CNN2: variants seen among roughly 807,000 people sequenced by gnomAD.
CNN2 encodes the protein calponin-2.
A neutral mutation model predicts 31.0 loss-of-function variants in CNN2; 21 were observed. The observed-to-expected ratio is 0.68, with a 90% CI of 0.48 to 0.98. The LOEUF (loss-of-function observed/expected upper bound fraction) is 0.98. CNN2 is among the 50% of genes least tolerant of loss of function. The pLI is 0.00. For synonymous variants in CNN2, 165 were observed against 179.6 expected, an observed-to-expected ratio of 0.92 and a Z score of 0.65; for missense variants, 399 against 427.3, an observed-to-expected ratio of 0.93 and a Z score of 0.58.
intron 1 of CNN2, among the ~76,000 whole-genome samples, chr19:1,027,270 G>A (rs1568416298): frequency 6.6e-6 from 1 of 152,248 alleles, no homozygotes; most frequent in Non-Finnish European, 1.5e-5. Flanking sequence ...GGGGAGGGGC[G>A]GTAGCCGCTT....
At chr19:1,032,515 G>C in intron 3 of CNN2, 44 bp from the exon 4 acceptor site, 1 of 1,613,526 alleles carries the variant, frequency 6.2e-7, no homozygotes, top group Non-Finnish European at 8.5e-7. Context: ...TAACAGGTGG[G>C]GAGACTGAGG....
intron 1 of CNN2, among the ~76,000 whole-genome samples, chr19:1,030,550 G>C (rs7255537): frequency 0.11 from 17,466 of 152,028 alleles, 2,283 homozygotes; most frequent in African/African-American, 0.32. Flanking sequence ...GGCCTGAACC[G>C]GGGAGGCGGA....
Position 1,037,893 on chromosome 19 carries a change from G to T in CNN2, c.923G>T (p.Gly308Val). The T allele has an allele frequency of 1.3e-6, 2 of 1,575,188 alleles. No homozygotes were observed. Among genetic ancestry groups the T allele is most frequent in the South Asian group, 2.3e-5 (2 of 88,462 alleles). Residue 308 changes from glycine to valine, a missense_variant, in exon 7 of 7, where the codon GGC becomes GTC. Transcript: ENST00000263097. Reference protein sequence around the residue: ...EYPPYYQEEAGY With the variant: ...EYPPYYQEEAVY ...CCCCCTTACTACCAGGAGGAGGCCGGCTACTGAGGCTCCCAGCACGCTCTC... is the reference window on the plus strand; with the variant it reads ...CCCCCTTACTACCAGGAGGAGGCCGTCTACTGAGGCTCCCAGCACGCTCTC...
Position 1,037,837 on chromosome 19 carries a change from C to T in CNN2, c.867C>T (p.Asp289=). 3.1e-6 allele frequency: 5 copies of T among 1,606,382 alleles called. No individual in the cohort carries two copies. The highest frequency in any genetic ancestry group is 4.3e-6 in the Non-Finnish European group (5 of 1,175,940). The part of the protein sequence containing the change: ...VADGAPSGTG[D]CPDPGEVPEY... ...ATGGGGCTCCCTCGGGCACCGGCGA[C>T]TGCCCGGACCCGGGGGAGGTCCCTG... The change falls in exon 7 of 7, where the codon GAC becomes GAT. Residue 289 remains aspartate (D), a synonymous_variant. Coordinates refer to ENST00000263097, the MANE Select transcript of CNN2 (RefSeq NM_004368.4).
In CNN2 at chr19:1,037,811, G is replaced by T. The variant is rs80117328; in HGVS notation, c.841G>T (p.Asp281Tyr). Residue 281 changes from aspartate to tyrosine, a missense_variant, in exon 7 of 7, where the codon GAT (aspartate) becomes TAT (tyrosine). Coordinates refer to ENST00000263097, the MANE Select transcript of CNN2 (RefSeq NM_004368.4). The part of the protein sequence containing the change: ...PKYCPQGTVA[D>Y]GAPSGTGDCP... ...GTACTGCCCGCAAGGCACAGTGGCC[G>T]ATGGGGCTCCCTCGGGCACCGGCGA... The T allele has an allele frequency of 1.9e-6, 3 of 1,582,702 alleles. No homozygotes were observed. Among genetic ancestry groups the T allele is most frequent in the Non-Finnish European group, 1.7e-6 (2 of 1,166,448 alleles).
intron 2 of CNN2, 115 bp from the exon 3 acceptor site, chr19:1,032,277 G>C (rs2039510155): frequency 1.6e-6 from 2 of 1,231,400 alleles, no homozygotes; most frequent in South Asian, 1.3e-5. Flanking sequence ...CCCAGAGAGA[G>C]GCCGTGAGTT....
chr19:1,029,692 C>T (rs2039456219), intron 1 of CNN2, among the ~76,000 whole-genome samples: 1 of 149,030 alleles, frequency 6.7e-6, no homozygotes. Flanking sequence ...TTTTTTTTTC[C>T]TTCTCTCTTT....
Position 1,036,487 on chromosome 19 carries a change from C to G in CNN2, c.579C>G (p.Pro193=). Residue 193 remains proline (P), a synonymous_variant, in exon 6 of 7, where the codon CCC becomes CCG. Transcript: ENST00000263097. ...GCACGAGAAGGCATCTCTATGACCC[C>G]AAGAACCATATCCTGCCCCCCATGG... ...AYGTRRHLYD[P]KNHILPPMDH... 2 of 1,613,290 alleles carry G rather than the reference C, an allele frequency of 1.2e-6. No individual in the cohort carries two copies. Among genetic ancestry groups the G allele is most frequent in the Non-Finnish European group, 1.7e-6 (2 of 1,179,270 alleles).
chr19:1,028,564 T>G (rs942442203), intron 1 of CNN2, among the ~76,000 whole-genome samples: 20 of 152,216 alleles, frequency 1.3e-4, no homozygotes, highest in Non-Finnish European at 1.0e-4. Flanking sequence ...ATCCACAGTG[T>G]CTGCGGCCTT....
chr19:1,031,004 G>A (rs1411779172), intron 1 of CNN2, 67 bp from the exon 2 acceptor site: 2 of 1,550,518 alleles, frequency 1.3e-6, no homozygotes, highest in Middle Eastern at 2.4e-4. Context: ...CCTCTGCAGA[G>A]CTTCTGTGGG....
chr19:1,028,177 C>T (rs1284356647), intron 1 of CNN2, among the ~76,000 whole-genome samples: 1 of 147,106 alleles, frequency 6.8e-6, no homozygotes, highest in Non-Finnish European at 1.5e-5. Context: ...GTGACAGGGC[C>T]AAGACCGGAA....
Position 1,026,628 on chromosome 19 carries a change from T to A in CNN2, c.-34T>A, listed in dbSNP as rs1021909282. The A allele has an allele frequency of 1.3e-6, 2 of 1,505,036 alleles. No individual in the cohort carries two copies. The highest frequency in any genetic ancestry group is 1.8e-6 in the Non-Finnish European group (2 of 1,123,558). 93.2% of individuals were successfully genotyped at this position (1,505,036 alleles called of 1,614,324 possible). ...CCGGCGGTCCCGTCCCGTCCCGTCCTGTGCGGCCCCGTCCCGCCGCCCGCC... is the reference window on the plus strand; with the variant it reads ...CCGGCGGTCCCGTCCCGTCCCGTCCAGTGCGGCCCCGTCCCGCCGCCCGCC... On this transcript the variant is annotated 5_prime_UTR_variant, in exon 1 of 7. Coordinates refer to ENST00000263097, the MANE Select transcript of CNN2 (RefSeq NM_004368.4).
In CNN2 at chr19:1,032,887, T is replaced by G. The variant is rs1599511666; in HGVS notation, c.390+191T>G. On this transcript the variant is annotated intron_variant, in intron 4 of 6. Transcript: ENST00000263097. Reference sequence around the variant, plus strand: ...TCCAACTCCCAGGTTCAAGCGATTCTTCTGCCTCAGTCTCCCGAGTAGCTG... The same window carrying G: ...TCCAACTCCCAGGTTCAAGCGATTCGTCTGCCTCAGTCTCCCGAGTAGCTG... 4 of 531,796 alleles carry G rather than the reference T, an allele frequency of 7.5e-6. No homozygotes were observed. In the East Asian group the frequency reaches 1.3e-4, roughly 18 times the overall value. The allele number at this position is 531,796 out of a possible 1,614,324, so 32.9% of individuals were successfully genotyped here.
intron 2 of CNN2, 66 bp downstream of exon 2, chr19:1,031,258 C>T: frequency 3.1e-6 from 4 of 1,310,714 alleles, no homozygotes; most frequent in Non-Finnish European, 4.0e-6. Flanking sequence ...CACTTTTTTT[C>T]TTAATTAAGA....
chr19:1,032,269 C>T (rs1300116411), intron 2 of CNN2, 123 bp from the exon 3 acceptor site: 2 of 1,154,948 alleles, frequency 1.7e-6, no homozygotes, highest in African/African-American at 1.6e-5. Flanking sequence ...AACTGAGGCC[C>T]AGAGAGAGGC....
At position 1,036,284 on chromosome 19, in the gene CNN2, T is replaced by C. The variant is rs778226863; in HGVS notation, c.507+38T>C. The C allele has an allele frequency of 5.7e-6, 9 of 1,567,264 alleles. No individual in the cohort carries two copies. In the South Asian group the frequency reaches 6.0e-5, roughly 10 times the overall value. ...TCCCCCAGCCCCAGGGACCACGGCA[T>C]TGGGGGACCACGGTGTTGGGGGACA... On this transcript the variant is annotated intron_variant, in intron 5 of 6. Coordinates refer to ENST00000263097, the MANE Select transcript of CNN2 (RefSeq NM_004368.4).
At chr19:1,029,680 A>AT (rs948627352) in intron 1 of CNN2, among the ~76,000 whole-genome samples, 34 of 148,404 alleles carry the variant, frequency 2.3e-4, no homozygotes, top group East Asian at 3.9e-4. Context: ...GAGGGATTTG[A>AT]TTTTTTTTTT....
At chr19:1,028,046 G>T (rs754156263) in intron 1 of CNN2, among the ~76,000 whole-genome samples, 19 of 152,214 alleles carry the variant, frequency 1.2e-4, no homozygotes, top group Non-Finnish European at 2.2e-4. Context: ...TGCATTCATA[G>T]AGCCCCCCGT....
intron 1 of CNN2, among the ~76,000 whole-genome samples, chr19:1,028,396 G>C (rs1381762480): frequency 1.3e-5 from 2 of 151,970 alleles, no homozygotes; most frequent in African/African-American, 4.8e-5. Flanking sequence ...GCTTGCCAGG[G>C]TCACGGAAGG....
Sources: allele counts gnomAD v4.1 joint callset (sites outside exome capture counted in the v4.1 genomes callset), GRCh38; gene constraint gnomAD v4.1.1; transcripts MANE v1.5; gene names NCBI Gene and HGNC (gene_info 2026-07-23, HGNC 2026-07-21).